Variants in PLEKHG5 observed in about 807,000 individuals in gnomAD.
PLEKHG5 encodes the protein pleckstrin homology and RhoGEF domain containing G5.
A neutral mutation model predicts 103.8 loss-of-function variants in PLEKHG5; 52 were observed. That is an observed-to-expected ratio of 0.50 (90% CI 0.40 to 0.63). The LOEUF is 0.63. Among genes scored for constraint, PLEKHG5 ranks in the 30% least tolerant of loss-of-function variants. PLEKHG5 has a pLI of 0.00. For synonymous variants in PLEKHG5, 592 were observed against 575.5 expected (o/e 1.03, Z -0.41); for missense variants, 1,205 against 1,347.6 (o/e 0.89, Z 1.66).
chr1:6,469,048 T>C lies in PLEKHG5; in HGVS notation c.2243A>G (p.Gln748Arg), dbSNP rs1162714438. 2 of 1,613,408 alleles carry C rather than the reference T, an allele frequency of 1.2e-6. No homozygotes were observed. Among genetic ancestry groups the C allele is most frequent in the Non-Finnish European group, 1.7e-6 (2 of 1,179,802 alleles). ...TGGTCATGAGCAGACGTACCAGTGCTGAGAGTCGGGGCTGCCGCTGCTTTT... is the reference window on the plus strand; with the variant it reads ...TGGTCATGAGCAGACGTACCAGTGCCGAGAGTCGGGGCTGCCGCTGCTTTT... The part of the protein sequence containing the change: ...MRKSSGSPDS[Q>R]HCASDGSTET... The change falls in exon 19 of 21, where the codon CAG becomes CGG. Residue 748 changes from glutamine to arginine, a missense_variant. Coordinates refer to ENST00000377728, the MANE Select transcript of PLEKHG5 (RefSeq NM_020631.6).
chr1:6,473,952 G>A, intron 7 of PLEKHG5, 61 bp downstream of exon 7: 1 of 1,482,976 alleles, frequency 6.7e-7, no homozygotes, highest in Non-Finnish European at 9.2e-7. Flanking sequence ...CTGAGGAGGG[G>A]CTGTGGGCCC....
intron 1 of PLEKHG5, among the ~76,000 whole-genome samples, chr1:6,503,379 C>G (rs1005788599): frequency 1.3e-5 from 2 of 150,834 alleles, no homozygotes; most frequent in African/African-American, 4.9e-5. Context: ...TGCACTCCAG[C>G]CTGGGTAACA....
chr1:6,512,897 T>TGG (rs35777255), intron 1 of PLEKHG5, among the ~76,000 whole-genome samples: 27 of 152,128 alleles, frequency 1.8e-4, no homozygotes, highest in South Asian at 8.3e-4. Context: ...AGGGTGGCCA[T>TGG]GGGGGGGTGA....
At chr1:6,474,974 G>T in intron 5 of PLEKHG5, 73 bp downstream of exon 5, 1 of 924,344 alleles carries the variant, frequency 1.1e-6, no homozygotes, top group South Asian at 1.3e-5. Context: ...CACCTGCAGA[G>T]ACCCGGAGCC....
rs373993488 is a variant in PLEKHG5, at chr1:6,489,393, G to A, written c.-88+2244C>T. On this transcript the variant is annotated intron_variant, in intron 1 of 20. Transcript: ENST00000377728. The stretch of plus-strand genomic sequence containing the variant: ...CTGACCTAAGGCCCTGCCCTGTGCC[G>A]GGCAGATGGCAGGGACACAGAAAAC... Among the ~76,000 whole-genome samples, 136 of 152,314 alleles carry A rather than the reference G, an allele frequency of 8.9e-4. 1 individual carries two copies. The highest frequency in any genetic ancestry group is 3.1e-3 in the African/African-American group (130 of 41,558).
rs1282919159 is a variant in PLEKHG5 at position 6,472,983 on chromosome 1, C to T, written c.984+3G>A. 2 of 1,613,638 alleles carry T rather than the reference C, an allele frequency of 1.2e-6. No individual in the cohort carries two copies. The highest frequency in any genetic ancestry group is 1.7e-6 in the Non-Finnish European group (2 of 1,179,662). The stretch of plus-strand genomic sequence containing the variant: ...AGGGAGCAGCACTGTGGCCCGCACT[C>T]ACCTCATGCCCATCAATGAGCTCCC... On this transcript the variant is annotated splice_donor_region_variant and intron_variant, in intron 9 of 20. Coordinates refer to ENST00000377728, the MANE Select transcript of PLEKHG5 (RefSeq NM_020631.6).
intron 1 of PLEKHG5, among the ~76,000 whole-genome samples, chr1:6,488,305 C>A (rs1424407561): frequency 6.6e-6 from 1 of 152,242 alleles, no homozygotes; most frequent in East Asian, 1.9e-4. Context: ...ACTGACTTGC[C>A]CCAAAGTCAC....
At chr1:6,501,643 G>C (rs532012843), upstream of PLEKHG5, among the ~76,000 whole-genome samples, 1 of 151,580 alleles carries the variant, frequency 6.6e-6, no homozygotes, top group African/African-American at 2.4e-5. This position sits in a 1 kb window ranked among gnomAD's most constrained non-coding sequence, Gnocchi z 4.3. Flanking sequence ...AAACTGAGGC[G>C]TGGAGGGTAG....
intron 1 of PLEKHG5, among the ~76,000 whole-genome samples, chr1:6,479,650 T>C (rs1483449221): frequency 6.6e-6 from 1 of 152,002 alleles, no homozygotes; most frequent in Non-Finnish European, 1.5e-5. Context: ...TCTCGCTCTG[T>C]AGCCCAGGCT....
chr1:6,476,356 C>T (rs996857633), intron 2 of PLEKHG5, among the ~76,000 whole-genome samples: 10 of 152,078 alleles, frequency 6.6e-5, no homozygotes, highest in African/African-American at 2.4e-4. Flanking sequence ...ACACCCGGCT[C>T]ATTTTTTTGT....
At chr1:6,499,516 A>C (rs1287167944), upstream of PLEKHG5, among the ~76,000 whole-genome samples, 1 of 152,152 alleles carries the variant, frequency 6.6e-6, no homozygotes, top group Non-Finnish European at 1.5e-5. Context: ...CTAAAGCTGC[A>C]ACTTCCTGCA....
rs1383117512 is a variant in PLEKHG5 at position 6,477,460 on chromosome 1, T to G, written c.43+69A>C. The G allele has an allele frequency of 3.9e-6, 6 of 1,535,826 alleles. No homozygotes were observed. The Admixed American group carries it at 5.0e-5, about 13-fold the overall frequency. On this transcript the variant is annotated intron_variant, in intron 2 of 20. Transcript: ENST00000377728. Reference sequence around the variant, plus strand: ...TTGTCCTTATGACGCCCTAGCACGTTTCCGACAGTTACTGAAACACTGACA... The same window carrying G: ...TTGTCCTTATGACGCCCTAGCACGTGTCCGACAGTTACTGAAACACTGACA...
rs1044324827 is a variant in PLEKHG5 at position 6,505,267 on chromosome 1, A to G, written c.-164-8698T>C. 2.6e-5 allele frequency among the ~76,000 whole-genome samples: 4 copies of G among 152,092 alleles called. No homozygotes were observed. Among genetic ancestry groups the G allele is most frequent in the African/African-American group, 4.8e-5 (2 of 41,408 alleles). On this transcript the variant is annotated intron_variant, in intron 1 of 21. Coordinates refer to the PLEKHG5 transcript ENST00000377740. This position sits in a 1 kb window ranked among gnomAD's most constrained non-coding sequence, Gnocchi z 4.2. ...TGCCGGTCAGCCCACTGTGCCGACC[A>G]GCCTACAGTACCGACCAGCCCACGA...
rs144837444 is a variant in PLEKHG5, at chr1:6,514,341, G to C, written c.-165+5104C>G. On this transcript the variant is annotated intron_variant, in intron 1 of 21. Transcript: ENST00000377740. ...ATGGTGGTATGCGCCTGTGGTCCCAGCTACTCAGGAGGCTACGGAAGAGGA... is the reference window on the plus strand; with the variant it reads ...ATGGTGGTATGCGCCTGTGGTCCCACCTACTCAGGAGGCTACGGAAGAGGA... Among the ~76,000 whole-genome samples the C allele has an allele frequency of 7.8e-3, 1,180 of 152,124 alleles. 8 individuals carry two copies. The highest frequency in any genetic ancestry group is 0.018 in the African/African-American group (740 of 41,478).
At chr1:6,488,170 T>A (rs546426174) in intron 1 of PLEKHG5, among the ~76,000 whole-genome samples, 1 of 152,196 alleles carries the variant, frequency 6.6e-6, no homozygotes, top group African/African-American at 2.4e-5. Context: ...TCACTGAGCA[T>A]TCCATGTGCC....
chr1:6,470,381 G>C, intron 15 of PLEKHG5, 26 bp from the exon 16 acceptor site: 2 of 1,613,670 alleles, frequency 1.2e-6, no homozygotes, highest in East Asian at 4.5e-5. Context: ...GTGAACGTAG[G>C]GGAGGCCAGA....
intron 1 of PLEKHG5, among the ~76,000 whole-genome samples, chr1:6,506,930 A>G (rs2148634443): frequency 6.6e-6 from 1 of 152,290 alleles, no homozygotes; most frequent in East Asian, 1.9e-4. Context: ...AGGCAGCCGA[A>G]CCTCTGGCAT....
upstream of PLEKHG5, chr1:6,497,128 G>C (rs1241168888): frequency 5.1e-6 from 6 of 1,181,046 alleles, no homozygotes; most frequent in Admixed American, 1.3e-4. The surrounding 1 kb of genome is among the most constrained non-coding windows in gnomAD (Gnocchi z 6.1). Context: ...GCGAGAGGCG[G>C]GGGGAGGGAG....
rs898550173 is a variant in PLEKHG5 at position 6,470,760 on chromosome 1, C to T, written c.1517G>A (p.Arg506His). ...CATGGCGACGACGGCCTCCTTGGCG[C>T]GCGGCTCCTCGGTCTTCCTCAGCAC... is the stretch of plus-strand genomic sequence containing the variant. ...KSVLRKTEEP[R>H]AKEAVVAMIG... is the part of the protein sequence containing the mutation. Residue 506 changes from arginine to histidine, a missense_variant, in exon 14 of 21, where the codon CGC becomes CAC. Physicochemically the swap from Arg to His is conservative, Grantham distance 29. Coordinates refer to ENST00000377728, the MANE Select transcript of PLEKHG5 (RefSeq NM_020631.6). 6 of 1,562,720 alleles carry T rather than the reference C, an allele frequency of 3.8e-6. No homozygotes were observed. In the African/African-American group the frequency reaches 5.4e-5, roughly 14 times the overall value.
Sources: allele counts gnomAD v4.1 joint callset (sites outside exome capture counted in the v4.1 genomes callset), GRCh38; gene constraint gnomAD v4.1.1; non-coding constraint Gnocchi (gnomAD v3.1); transcripts MANE v1.5; gene names NCBI Gene and HGNC (gene_info 2026-07-23, HGNC 2026-07-21).